ACVR2B: variants seen among roughly 807,000 people sequenced by gnomAD.
The protein encoded by ACVR2B is activin A receptor type 2B.
ACVR2B carries 18 observed loss-of-function variants against 65.1 expected under a neutral mutation model. The observed-to-expected ratio is 0.28, with a 90% CI of 0.19 to 0.41. ACVR2B has a LOEUF of 0.41. ACVR2B is among the 10% of genes least tolerant of loss of function. The pLI is 1.00. For synonymous variants in ACVR2B, 298 were observed against 277.7 expected (o/e 1.07, Z -0.73); for missense variants, 482 against 682.7 (o/e 0.71, Z 3.28).
intron 1 of ACVR2B, among the ~76,000 whole-genome samples, chr3:38,463,007 A>G (rs1387515095): frequency 6.6e-6 from 1 of 152,156 alleles, no homozygotes; most frequent in Non-Finnish European, 1.5e-5. Context: ...TACAGAGTTT[A>G]GAAATAGCCT....
intron 1 of ACVR2B, among the ~76,000 whole-genome samples, chr3:38,455,717 C>G (rs867846385): frequency 6.6e-6 from 1 of 152,200 alleles, no homozygotes; most frequent in Non-Finnish European, 1.5e-5. Flanking sequence ...TTGCAGCTCT[C>G]CTGGAGCCGC....
Position 38,479,638 on chromosome 3 carries a change from C to A in ACVR2B, c.811-40C>A, listed in dbSNP as rs778651232. The A allele has an allele frequency of 1.9e-6, 3 of 1,612,854 alleles. No homozygotes were observed. The East Asian group carries it at 6.7e-5, about 36-fold the overall frequency. On this transcript the variant is annotated intron_variant, in intron 6 of 10. Transcript: ENST00000352511. ...GGGCTGGGCTGGGTCCTGTCCTGTACCCAGAATCTGTGCTCAAGTTCTGTG... is the reference window on the plus strand; with the variant it reads ...GGGCTGGGCTGGGTCCTGTCCTGTAACCAGAATCTGTGCTCAAGTTCTGTG...
intron 1 of ACVR2B, among the ~76,000 whole-genome samples, chr3:38,461,330 G>A (rs900446384): frequency 1.3e-5 from 2 of 152,110 alleles, no homozygotes; most frequent in African/African-American, 4.8e-5. Flanking sequence ...TTCTCACTGA[G>A]GTTTGATATT....
rs1710023473 is a variant in ACVR2B, at chr3:38,481,923, C to T, written c.1075-275C>T. The stretch of plus-strand genomic sequence containing the variant: ...TTAATCTCAGTCAGATACATATCAT[C>T]TGTAGTTCCTTGTATTAATTTGGTA... On this transcript the variant is annotated intron_variant, in intron 8 of 10. Coordinates refer to ENST00000352511, the MANE Select transcript of ACVR2B (RefSeq NM_001106.4). The surrounding 1 kb of genome is among the most constrained non-coding windows in gnomAD (Gnocchi z 4.7). 1.3e-5 allele frequency among the ~76,000 whole-genome samples: 2 copies of T among 152,176 alleles called. No individual in the cohort carries two copies. Among genetic ancestry groups the T allele is most frequent in the Admixed American group, 1.3e-4 (2 of 15,284 alleles).
At position 38,492,462 on chromosome 3, in the gene ACVR2B, A is replaced by G. The variant is rs940842345; in HGVS notation, c.*9130A>G. ...CTGTAGAAGCAAGGAAGCTCTTTCA[A>G]GTGCTAAAACTAAAGACTTCTAGTT... On this transcript the variant is annotated 3_prime_UTR_variant, in exon 11 of 11. Coordinates refer to ENST00000352511, the MANE Select transcript of ACVR2B (RefSeq NM_001106.4). 1.3e-5 allele frequency: 2 copies of G among 152,738 alleles called. No homozygotes were observed. The highest frequency in any genetic ancestry group is 2.1e-4 in the South Asian group (1 of 4,828). The allele number at this position is 152,738 out of a possible 1,614,324, so 9.5% of individuals were successfully genotyped here.
intron 1 of ACVR2B, among the ~76,000 whole-genome samples, chr3:38,470,896 A>G (rs945370443): frequency 6.6e-6 from 1 of 152,218 alleles, no homozygotes; most frequent in African/African-American, 2.4e-5. Context: ...ATCCAAATAG[A>G]GGTAACGGTA....
In ACVR2B at chr3:38,493,095, T is replaced by G. The variant is rs1028780924; in HGVS notation, c.*9763T>G. On this transcript the variant is annotated 3_prime_UTR_variant, in exon 11 of 11. Coordinates refer to ENST00000352511, the MANE Select transcript of ACVR2B (RefSeq NM_001106.4). ...AATAGGAGGAAAAATCTAGAACTAT[T>G]TCAAGTTTTATCTTTTTGTATATGA... is the stretch of plus-strand genomic sequence containing the variant. 1.3e-5 allele frequency: 2 copies of G among 152,624 alleles called. No individual in the cohort carries two copies. Among genetic ancestry groups the G allele is most frequent in the African/African-American group, 2.4e-5 (1 of 41,446 alleles). 9.5% of individuals were successfully genotyped at this position (152,624 alleles called of 1,614,324 possible).
chr3:38,462,251 AC>A (rs1575579330), intron 1 of ACVR2B, among the ~76,000 whole-genome samples: 2 of 152,292 alleles, frequency 1.3e-5, no homozygotes, highest in East Asian at 3.9e-4. Context: ...GCTTTTTTCC[AC>A]CTAAAATGGT....
chr3:38,481,012 T>A lies in ACVR2B; in HGVS notation c.960-339T>A, dbSNP rs547298466. 8.5e-5 allele frequency among the ~76,000 whole-genome samples: 13 copies of A among 152,312 alleles called. No homozygotes were observed. In the South Asian group the frequency reaches 2.3e-3, roughly 27 times the overall value. ...TGCTGTAAATTCTTCTCAGAAAACT[T>A]GCATCCCAGGCCAGTGTGCCTGTCC... On this transcript the variant is annotated intron_variant, in intron 7 of 10. Transcript: ENST00000352511. The surrounding 1 kb of genome is among the most constrained non-coding windows in gnomAD (Gnocchi z 4.7).
In ACVR2B at chr3:38,482,669, G is replaced by A. The variant is rs1710038817; in HGVS notation, c.1344+109G>A. 1.0e-5 allele frequency: 15 copies of A among 1,478,492 alleles called. No individual in the cohort carries two copies. The South Asian group carries it at 1.1e-4, about 11-fold the overall frequency. 91.6% of individuals were successfully genotyped at this position (1,478,492 alleles called of 1,614,324 possible). On this transcript the variant is annotated intron_variant, in intron 10 of 10. Transcript: ENST00000352511. ...GGGAATGGGCAAATAGAAAGTCTGCGACGTTCCCTGGACTCTAGGGATGTG... is the reference window on the plus strand; with the variant it reads ...GGGAATGGGCAAATAGAAAGTCTGCAACGTTCCCTGGACTCTAGGGATGTG...
rs1188306594 is a variant in ACVR2B at position 38,478,205 on chromosome 3, C to T, written c.435C>T (p.Pro145=). The change falls in exon 4 of 11, where the codon CCC becomes CCT. Residue 145 remains proline, a synonymous_variant. Coordinates refer to ENST00000352511, the MANE Select transcript of ACVR2B (RefSeq NM_001106.4). The part of the protein sequence containing the change: ...LLTVLAYSLL[P]IGGLSLIVLL... ...CGGTGCTGGCCTACTCACTGCTGCCCATCGGGGGCCTTTCCCTCATCGTCC... is the reference window on the plus strand; with the variant it reads ...CGGTGCTGGCCTACTCACTGCTGCCTATCGGGGGCCTTTCCCTCATCGTCC... 1 of 1,614,030 alleles carries T rather than the reference C, an allele frequency of 6.2e-7. No homozygotes were observed. Among genetic ancestry groups the T allele is most frequent in the Admixed American group, 1.7e-5 (1 of 60,018 alleles).
chr3:38,483,116 C>T lies in ACVR2B; in HGVS notation c.1345-22C>T. On this transcript the variant is annotated intron_variant, in intron 10 of 10. Transcript: ENST00000352511. This position sits in a 1 kb window ranked among gnomAD's most constrained non-coding sequence, Gnocchi z 4.8. ...AAGGGTCCTAACAAAGGTGTCTTTC[C>T]TGTCTGCCCTATGCTGCTTAGGGCC... is the stretch of plus-strand genomic sequence containing the variant. The T allele has an allele frequency of 6.2e-7, 1 of 1,613,968 alleles. No individual in the cohort carries two copies. The highest frequency in any genetic ancestry group is 8.5e-7 in the Non-Finnish European group (1 of 1,179,870).
chr3:38,478,649 C>G, intron 5 of ACVR2B, 131 bp downstream of exon 5: 1 of 1,285,488 alleles, frequency 7.8e-7, no homozygotes, highest in South Asian at 1.3e-5. Context: ...CTTACTGGGC[C>G]TAGTTACTCA....
intron 1 of ACVR2B, among the ~76,000 whole-genome samples, chr3:38,470,112 T>C (rs1297271958): frequency 1.3e-5 from 2 of 152,126 alleles, no homozygotes; most frequent in African/African-American, 4.8e-5. Context: ...CTGGGCAGAA[T>C]AAGAAGGTCT....
At position 38,477,313 on chromosome 3, in the gene ACVR2B, C is replaced by A. The variant is rs1389768485; in HGVS notation, c.79C>A (p.Arg27=). Residue 27 remains arginine, a synonymous_variant, in exon 2 of 11, where the codon CGG becomes AGG. Transcript: ENST00000352511. The surrounding 1 kb of genome is among the most constrained non-coding windows in gnomAD (Gnocchi z 6.7). ...AGSGRGEAET[R]ECIYYNANWE... ...CTCTGGGCGTGGGGAGGCTGAGACA[C>A]GGGAGTGCATCTACTACAACGCCAA... 1 of 1,614,096 alleles carries A rather than the reference C, an allele frequency of 6.2e-7. No individual in the cohort carries two copies. The highest frequency in any genetic ancestry group is 1.1e-5 in the South Asian group (1 of 91,090).
At chr3:38,463,509 A>G (rs1709682249) in intron 1 of ACVR2B, among the ~76,000 whole-genome samples, 2 of 152,178 alleles carry the variant, frequency 1.3e-5, no homozygotes, top group South Asian at 2.1e-4. Flanking sequence ...AGTCTCTGCC[A>G]CAGTTGGCAG....
rs1346683151 is a variant in ACVR2B at position 38,482,279 on chromosome 3, A to C, written c.1156A>C (p.Met386Leu). 7 of 1,612,868 alleles carry C rather than the reference A, an allele frequency of 4.3e-6. No individual in the cohort carries two copies. The highest frequency in any genetic ancestry group is 5.9e-6 in the Non-Finnish European group (7 of 1,179,800). Residue 386 changes from methionine to leucine, a missense_variant, in exon 9 of 11, where the codon ATG becomes CTG. Met to Leu is a conservative substitution (Grantham distance 15). This residue lies in a region of ACVR2B where 223 missense variants were observed against 386.3 expected (regional missense o/e 0.58). Transcript: ENST00000352511. ...GAGAGATGCCTTCCTGCGCATTGAC[A>C]TGTATGCCATGGGGTTGGTGCTGTG... ...FQRDAFLRID[M>L]YAMGLVLWEL...
rs545914317 is a variant in ACVR2B, at chr3:38,492,385, A to C, written c.*9053A>C. 1 of 152,748 alleles carries C rather than the reference A, an allele frequency of 6.5e-6. No homozygotes were observed. Among genetic ancestry groups the C allele is most frequent in the East Asian group, 1.9e-4 (1 of 5,190 alleles). 9.5% of individuals were successfully genotyped at this position (152,748 alleles called of 1,614,324 possible). On this transcript the variant is annotated 3_prime_UTR_variant, in exon 11 of 11. Transcript: ENST00000352511. ...GGGTTCACCTGTTTCTCACAGTTTAAAATGATGAGTAATTGCAAACTCTGG... is the reference window on the plus strand; with the variant it reads ...GGGTTCACCTGTTTCTCACAGTTTACAATGATGAGTAATTGCAAACTCTGG...
chr3:38,464,033 C>G (rs1285698237), intron 1 of ACVR2B, among the ~76,000 whole-genome samples: 1 of 152,192 alleles, frequency 6.6e-6, no homozygotes, highest in African/African-American at 2.4e-5. Context: ...TAATTACCTC[C>G]TTAAAGTCCT....
Sources: allele counts gnomAD v4.1 joint callset (sites outside exome capture counted in the v4.1 genomes callset), GRCh38; gene constraint gnomAD v4.1.1; regional missense constraint gnomAD v4.1.1; non-coding constraint Gnocchi (gnomAD v3.1); transcripts MANE v1.5; gene names NCBI Gene and HGNC (gene_info 2026-07-23, HGNC 2026-07-21).